Variants in CAMSAP1 observed in about 807,000 individuals in gnomAD.
The protein encoded by CAMSAP1 is calmodulin regulated spectrin associated protein 1, also known as calmodulin-regulated spectrin-associated protein 1.
A neutral mutation model predicts 143.5 loss-of-function variants in CAMSAP1; 58 were observed. The ratio of observed to expected loss-of-function variants is 0.40; its 90% CI spans 0.33 to 0.50. The LOEUF is 0.50. CAMSAP1 is among the 20% of genes least tolerant of loss of function. The pLI, the probability that CAMSAP1 is intolerant of heterozygous loss-of-function variation, is 0.45. For synonymous variants in CAMSAP1, 945 were observed against 859.3 expected, an observed-to-expected ratio of 1.10 and a Z score of -1.74; for missense variants, 1,969 against 2,115.7, an observed-to-expected ratio of 0.93 and a Z score of 1.36.
At chr9:135,865,184 T>G (rs1837330905) in intron 4 of CAMSAP1, 2 of 747,432 alleles carry the variant, frequency 2.7e-6, no homozygotes, top group Non-Finnish European at 4.5e-6. Context: ...TCAGGCCAAT[T>G]CTTGTACTAT....
Position 135,824,674 on chromosome 9 carries a change from C to G in CAMSAP1, c.1315+115G>C. ...GCAAGACTCCATCTCAAAAAACAAA[C>G]AAACAAACAAAAAAATCACTACATC... is the stretch of plus-strand genomic sequence containing the variant. On this transcript the variant is annotated intron_variant, in intron 9 of 16. Transcript: ENST00000389532. The surrounding 1 kb of genome is among the most constrained non-coding windows in gnomAD (Gnocchi z 4.1). 1 of 856,704 alleles carries G rather than the reference C, an allele frequency of 1.2e-6. No individual in the cohort carries two copies. Among genetic ancestry groups the G allele is most frequent in the Non-Finnish European group, 1.7e-6 (1 of 573,864 alleles). The allele number at this position is 856,704 out of a possible 1,614,324, so 53.1% of individuals were successfully genotyped here.
At position 135,854,363 on chromosome 9, in the gene CAMSAP1, TTATC is replaced by T. The variant is rs202093308; in HGVS notation, c.809-3906_809-3903del. On this transcript the variant is annotated intron_variant, in intron 5 of 16. Transcript: ENST00000389532. Reference sequence around the variant, plus strand: ...TGAATTCTTGATCAGTCTTTCCAGATTATCTATTTTATTAATTCTTTAAAACAAT... The same window carrying T: ...TGAATTCTTGATCAGTCTTTCCAGATTATTTTATTAATTCTTTAAAACAAT... Among the ~76,000 whole-genome samples, 806 of 152,376 alleles carry T rather than the reference TTATC, an allele frequency of 5.3e-3. 13 individuals carry two copies. The highest frequency in any genetic ancestry group is 0.032 in the South Asian group (157 of 4,834).
chr9:135,831,340 A>G (rs541226712), intron 7 of CAMSAP1, among the ~76,000 whole-genome samples: 75 of 152,128 alleles, frequency 4.9e-4, no homozygotes, highest in African/African-American at 1.8e-3. Flanking sequence ...CAGTGTTAAC[A>G]AGGAAGTCTG....
chr9:135,904,334 G>A (rs1454893295), intron 1 of CAMSAP1, among the ~76,000 whole-genome samples: 3 of 151,086 alleles, frequency 2.0e-5, no homozygotes, highest in Non-Finnish European at 2.9e-5. Flanking sequence ...GGCAGGCGGA[G>A]GTTGCAGTGA....
At chr9:135,846,608 G>T (rs1836560878) in intron 7 of CAMSAP1, among the ~76,000 whole-genome samples, 1 of 117,662 alleles carries the variant, frequency 8.5e-6, no homozygotes, top group Non-Finnish European at 1.7e-5. Flanking sequence ...CAGAAGGGAA[G>T]AAAATTTTTG....
intron 3 of CAMSAP1, among the ~76,000 whole-genome samples, chr9:135,879,072 T>A (rs1437625800): frequency 6.6e-6 from 1 of 152,102 alleles, no homozygotes; most frequent in Non-Finnish European, 1.5e-5. Context: ...AAGCTGTCAA[T>A]GCAACCGCAG....
At chr9:135,827,684 GA>G in intron 7 of CAMSAP1, 100 bp from the exon 8 acceptor site, 1 of 1,164,354 alleles carries the variant, frequency 8.6e-7, no homozygotes, top group Non-Finnish European at 1.1e-6. Flanking sequence ...ACCTTTTATT[GA>G]AACCAAACTT....
At chr9:135,841,648 G>C (rs907203626) in intron 7 of CAMSAP1, among the ~76,000 whole-genome samples, 1 of 152,238 alleles carries the variant, frequency 6.6e-6, no homozygotes, top group African/African-American at 2.4e-5. Context: ...GCTTCCAGAG[G>C]AAGGAACAGG....
chr9:135,851,422 C>T (rs117262806), intron 5 of CAMSAP1, among the ~76,000 whole-genome samples: 1 of 152,334 alleles, frequency 6.6e-6, no homozygotes, highest in East Asian at 1.9e-4. Context: ...AGCTGAGGAA[C>T]TGTGCACACT....
At chr9:135,896,979 G>A (rs1838474697) in intron 1 of CAMSAP1, among the ~76,000 whole-genome samples, 1 of 152,114 alleles carries the variant, frequency 6.6e-6, no homozygotes, top group Non-Finnish European at 1.5e-5. Flanking sequence ...CAAATCTGTT[G>A]GCACCTTAAT....
intron 4 of CAMSAP1, 108 bp downstream of exon 4, chr9:135,866,348 G>A: frequency 1.5e-6 from 1 of 654,584 alleles, no homozygotes; most frequent in Non-Finnish European, 2.8e-6. Context: ...CTGCTTCTTT[G>A]GTGAGTAAAA....
chr9:135,893,109 A>G (rs1478783303), intron 1 of CAMSAP1, among the ~76,000 whole-genome samples: 10 of 150,050 alleles, frequency 6.7e-5, no homozygotes, highest in African/African-American at 2.5e-4. Context: ...GTTCAAGGCT[A>G]CAGTGAGCCA....
rs1483935813 is a variant in CAMSAP1 at position 135,824,538 on chromosome 9, G to A, written c.1315+251C>T. ...AAATTAACTGAGCATGGTGGCATGC[G>A]CCTATAATCCCAGCTATGTGGGAGG... On this transcript the variant is annotated intron_variant, in intron 9 of 16. Transcript: ENST00000389532. This position sits in a 1 kb window ranked among gnomAD's most constrained non-coding sequence, Gnocchi z 4.1. Among the ~76,000 whole-genome samples the A allele has an allele frequency of 5.9e-5, 9 of 152,160 alleles. No individual in the cohort carries two copies. The highest frequency in any genetic ancestry group is 2.2e-4 in the African/African-American group (9 of 41,524).
intron 1 of CAMSAP1, among the ~76,000 whole-genome samples, chr9:135,895,365 G>A (rs1838415396): frequency 6.6e-6 from 1 of 152,072 alleles, no homozygotes; most frequent in Non-Finnish European, 1.5e-5. Flanking sequence ...TACATACAAG[G>A]GAACACCAGC....
At chr9:135,890,450 G>A (rs1040589397) in intron 1 of CAMSAP1, among the ~76,000 whole-genome samples, 1 of 152,126 alleles carries the variant, frequency 6.6e-6, no homozygotes, top group African/African-American at 2.4e-5. Context: ...AGGGCGCCTG[G>A]GAGGAGCTGT....
At chr9:135,836,758 CG>C (rs1836065984) in intron 7 of CAMSAP1, 1 of 979,416 alleles carries the variant, frequency 1.0e-6, no homozygotes, top group African/African-American at 1.9e-5. Flanking sequence ...CACATTGTCA[CG>C]TACCTTCTAC....
intron 11 of CAMSAP1, among the ~76,000 whole-genome samples, chr9:135,819,667 C>G (rs1170369450): frequency 2.9e-5 from 4 of 140,090 alleles, no homozygotes; most frequent in Non-Finnish European, 6.1e-5. Flanking sequence ...AACCCTGTCT[C>G]CACTTAAAAA....
At chr9:135,897,830 A>C (rs868708623) in intron 1 of CAMSAP1, among the ~76,000 whole-genome samples, 36 of 152,346 alleles carry the variant, frequency 2.4e-4, no homozygotes, top group African/African-American at 8.2e-4. Flanking sequence ...TAAATTTTCC[A>C]TGTAATATAT....
rs573149719 is a variant in CAMSAP1 at position 135,822,696 on chromosome 9, G to C, written c.1965C>G (p.Cys655Trp). The C allele has an allele frequency of 1.2e-6, 2 of 1,610,480 alleles. No homozygotes were observed. Among genetic ancestry groups the C allele is most frequent in the East Asian group, 2.2e-5 (1 of 44,806 alleles). The change falls in exon 11 of 17, where the codon TGC becomes TGG. Residue 655 changes from cysteine to tryptophan, a missense_variant. Cys to Trp is a radical substitution (Grantham distance 215). Transcript: ENST00000389532. The surrounding 1 kb of genome is among the most constrained non-coding windows in gnomAD (Gnocchi z 6.1). ...GGTCGATGCCCATGGGGAATTCTGA[G>C]CATGGAATCGGGGTAAAAGTCCTAT... ...DLNRTFTPIP[C>W]SEFPMGIDPT...
Sources: gnomAD v4.1 joint callset for allele counts (sites outside exome capture counted in the v4.1 genomes callset) on GRCh38, gnomAD v4.1.1 for gene constraint, Gnocchi (gnomAD v3.1) non-coding constraint, MANE v1.5 for transcripts, NCBI Gene and HGNC (gene_info 2026-07-23, HGNC 2026-07-21) for gene names.